GALNTL6: variants seen among roughly 807,000 people sequenced by gnomAD.
GALNTL6 encodes polypeptide N-acetylgalactosaminyltransferase like 6.
Under a neutral mutation model 73.7 loss-of-function variants are expected in GALNTL6, and 46 were observed. The observed-to-expected ratio is 0.62, with a 90% CI of 0.49 to 0.80. The LOEUF is 0.80. Among genes scored for constraint, GALNTL6 ranks in the 30% least tolerant of loss-of-function variants. The probability of loss-of-function intolerance (pLI) is 0.00; values close to 1 mark genes in which losing one functional copy is unlikely to be tolerated. For missense variants in GALNTL6, 604 were observed against 755.0 expected (o/e 0.80, Z 2.34); for synonymous variants, 259 against 263.7 (o/e 0.98, Z 0.17).
chr4:172,195,060 G>C (rs538698974), intron 2 of GALNTL6, among the ~76,000 whole-genome samples: 18 of 152,110 alleles, frequency 1.2e-4, no homozygotes, highest in Non-Finnish European at 2.4e-4. Context: ...CCCATCTCAC[G>C]TGCCAAGACA....
chr4:172,144,024 A>G (rs1427280729), intron 2 of GALNTL6, among the ~76,000 whole-genome samples: 1 of 152,132 alleles, frequency 6.6e-6, no homozygotes, highest in Non-Finnish European at 1.5e-5. Flanking sequence ...GCAACTCTGC[A>G]CTATTAGTTT....
chr4:172,019,114 C>T (rs752550259), intron 2 of GALNTL6, among the ~76,000 whole-genome samples: 2 of 152,128 alleles, frequency 1.3e-5, no homozygotes, highest in Non-Finnish European at 2.9e-5. Context: ...AGCAGCATGC[C>T]GCTTCTTTCA....
chr4:173,040,590 C>T lies in GALNTL6; in HGVS notation c.*490C>T, dbSNP rs1276496772. ...CTAAGAATGGGTTCAGCAGGTTTAACCCTTAAAAGTGCTGCAGATGATTTC... is the reference window on the plus strand; with the variant it reads ...CTAAGAATGGGTTCAGCAGGTTTAATCCTTAAAAGTGCTGCAGATGATTTC... On this transcript the variant is annotated 3_prime_UTR_variant, in exon 13 of 13. Coordinates refer to ENST00000506823, the MANE Select transcript of GALNTL6 (RefSeq NM_001034845.3). 6.5e-6 allele frequency: 1 copy of T among 153,282 alleles called. No homozygotes were observed. Among genetic ancestry groups the T allele is most frequent in the Non-Finnish European group, 1.5e-5 (1 of 68,624 alleles). 9.5% of individuals were successfully genotyped at this position (153,282 alleles called of 1,614,324 possible). A position where few individuals can be genotyped will look rare whatever the true frequency, so the allele number is the denominator to read the frequency against.
chr4:172,181,717 C>CTTTT, intron 2 of GALNTL6, among the ~76,000 whole-genome samples: 1 of 135,164 alleles, frequency 7.4e-6, no homozygotes, highest in South Asian at 2.3e-4. Flanking sequence ...CCCAAATCTT[C>CTTTT]TTTTTTTTTT....
chr4:172,275,783 C>G (rs1738808056), intron 3 of GALNTL6, among the ~76,000 whole-genome samples: 1 of 152,026 alleles, frequency 6.6e-6, no homozygotes, highest in African/African-American at 2.4e-5. Context: ...ATGGTGAAAC[C>G]CCGTCTCTAT....
intron 8 of GALNTL6, among the ~76,000 whole-genome samples, chr4:172,896,064 T>C (rs1207711863): frequency 6.6e-6 from 1 of 152,254 alleles, no homozygotes; most frequent in Non-Finnish European, 1.5e-5. Context: ...TCAAGACAGC[T>C]ATTTTGAATT....
chr4:172,983,701 A>T (rs531858416), intron 10 of GALNTL6, among the ~76,000 whole-genome samples: 59 of 152,140 alleles, frequency 3.9e-4, no homozygotes, highest in African/African-American at 1.1e-3. Flanking sequence ...GTCTCAAAAA[A>T]ATATATATAT....
intron 5 of GALNTL6, among the ~76,000 whole-genome samples, chr4:172,388,574 A>G (rs1438698281): frequency 1.3e-5 from 2 of 152,086 alleles, no homozygotes; most frequent in Non-Finnish European, 1.5e-5. Context: ...TTCAAATGAA[A>G]CCTAGATTAT....
chr4:172,571,825 G>A lies in GALNTL6; in HGVS notation c.553+223136G>A, dbSNP rs534182711. ...ACATGTTTTCATGGCCTATTTCTCC[G>A]AAGCCATGCCCCAGGCATTGTAGTT... is the stretch of plus-strand genomic sequence containing the variant. On this transcript the variant is annotated intron_variant, in intron 5 of 12. Transcript: ENST00000506823. Among the ~76,000 whole-genome samples the A allele has an allele frequency of 3.9e-5, 6 of 152,130 alleles. No homozygotes were observed. The East Asian group carries it at 7.7e-4, about 19-fold the overall frequency.
intron 2 of GALNTL6, among the ~76,000 whole-genome samples, chr4:171,919,440 G>T (rs1344325333): frequency 6.6e-6 from 1 of 152,030 alleles, no homozygotes; most frequent in Non-Finnish European, 1.5e-5. Flanking sequence ...CTAAGGACTT[G>T]TTAGAAGACG....
At position 172,042,437 on chromosome 4, in the gene GALNTL6, C is replaced by T. The variant is rs139889607; in HGVS notation, c.139-187219C>T. ...CTAGACTTCTCTTATGAGACCCAGA[C>T]ATAATCATATATCCAATTGCTCATT... On this transcript the variant is annotated intron_variant, in intron 2 of 12. Coordinates refer to ENST00000506823, the MANE Select transcript of GALNTL6 (RefSeq NM_001034845.3). Among the ~76,000 whole-genome samples the T allele has an allele frequency of 2.0e-5, 3 of 152,146 alleles. No individual in the cohort carries two copies. The East Asian group carries it at 5.8e-4, about 29-fold the overall frequency.
At chr4:172,205,313 GAA>G (rs1189306626) in intron 2 of GALNTL6, among the ~76,000 whole-genome samples, 6 of 152,170 alleles carry the variant, frequency 3.9e-5, no homozygotes, top group African/African-American at 7.2e-5. Context: ...ATTTAGTATA[GAA>G]AAGTCTCCAA....
At chr4:172,125,217 GA>G (rs1051186480) in intron 2 of GALNTL6, among the ~76,000 whole-genome samples, 1 of 151,966 alleles carries the variant, frequency 6.6e-6, no homozygotes, top group Admixed American at 6.6e-5. Context: ...GCTTCAAGAG[GA>G]AAAATCTACC....
At chr4:172,529,798 G>A (rs1353510859) in intron 5 of GALNTL6, among the ~76,000 whole-genome samples, 1 of 151,828 alleles carries the variant, frequency 6.6e-6, no homozygotes, top group East Asian at 1.9e-4. Flanking sequence ...TGATTCTCCT[G>A]CCTCAGCCTC....
At chr4:172,108,718 G>A (rs1732760680) in intron 2 of GALNTL6, among the ~76,000 whole-genome samples, 1 of 152,012 alleles carries the variant, frequency 6.6e-6, no homozygotes, top group African/African-American at 2.4e-5. Flanking sequence ...AAGCGGAGGT[G>A]CAATAGAAAT....
chr4:172,766,471 A>C (rs926340428), intron 5 of GALNTL6, among the ~76,000 whole-genome samples: 2 of 152,122 alleles, frequency 1.3e-5, no homozygotes, highest in Non-Finnish European at 2.9e-5. Flanking sequence ...GGATGCGTTC[A>C]ATGTCTCTAA....
At chr4:172,769,755 C>A (rs1738655857) in intron 5 of GALNTL6, among the ~76,000 whole-genome samples, 1 of 152,180 alleles carries the variant, frequency 6.6e-6, no homozygotes, top group African/African-American at 2.4e-5. Context: ...ACACCACAAT[C>A]TGTGTTTGTA....
chr4:172,440,748 CTTCT>C (rs1483624287), intron 5 of GALNTL6, among the ~76,000 whole-genome samples: 2 of 151,042 alleles, frequency 1.3e-5, no homozygotes, highest in East Asian at 3.9e-4. Context: ...CTGTACCTTC[CTTCT>C]AACTTTGCTG....
chr4:172,190,386 G>A (rs1259118017), intron 2 of GALNTL6, among the ~76,000 whole-genome samples: 1 of 152,108 alleles, frequency 6.6e-6, no homozygotes, highest in Non-Finnish European at 1.5e-5. Context: ...CCATCTACTT[G>A]GGTCAGTGGA....
Sources: gnomAD v4.1 joint callset for allele counts (sites outside exome capture counted in the v4.1 genomes callset) on GRCh38, gnomAD v4.1.1 for gene constraint, MANE v1.5 for transcripts, NCBI Gene and HGNC (gene_info 2026-07-23, HGNC 2026-07-21) for gene names.